GABRB3: variants seen among roughly 807,000 people sequenced by gnomAD.
The protein encoded by GABRB3 is gamma-aminobutyric acid receptor subunit beta-3.
In GABRB3, 14 loss-of-function variants were observed where a neutral mutation model predicts 52.1. That is an observed-to-expected ratio of 0.27 (90% CI 0.18 to 0.42). The LOEUF (loss-of-function observed/expected upper bound fraction) is 0.42, where lower values mean the gene tolerates loss of function less well. Among genes scored for constraint, GABRB3 ranks in the 10% least tolerant of loss-of-function variants. The pLI is 1.00. For synonymous variants in GABRB3, 260 were observed against 232.3 expected, an observed-to-expected ratio of 1.12 and a Z score of -1.08; for missense variants, 307 against 609.1, an observed-to-expected ratio of 0.50 and a Z score of 5.22.
rs1022592947 is a variant in GABRB3, at chr15:26,666,397, T to C, written c.241-44863A>G. On this transcript the variant is annotated intron_variant, in intron 3 of 8. Coordinates refer to ENST00000311550, the MANE Select transcript of GABRB3 (RefSeq NM_000814.6). The stretch of plus-strand genomic sequence containing the variant: ...ATGTACTTTCCACTCACCAGCAGCA[T>C]ACCCGGCTTCTTGCACGCACCGAAG... 3 of 152,332 alleles carry C rather than the reference T, an allele frequency of 2.0e-5. No individual in the cohort carries two copies. The East Asian group carries it at 5.8e-4, about 29-fold the overall frequency. The allele number at this position is 152,332 out of a possible 1,614,324, so 9.4% of individuals were successfully genotyped here. A position where few individuals can be genotyped will look rare whatever the true frequency, so the allele number is the denominator to read the frequency against.
At chr15:26,560,368 C>T (rs566338587) in intron 8 of GABRB3, among the ~76,000 whole-genome samples, 1 of 152,188 alleles carries the variant, frequency 6.6e-6, no homozygotes, top group Non-Finnish European at 1.5e-5. Flanking sequence ...TCATTGCCAG[C>T]TCCATGTTGA....
intron 3 of GABRB3, among the ~76,000 whole-genome samples, chr15:26,639,855 C>T (rs959072434): frequency 6.6e-6 from 1 of 152,172 alleles, no homozygotes; most frequent in African/African-American, 2.4e-5. Flanking sequence ...TATTCCCTTT[C>T]AGTGATGATG....
chr15:26,566,135 C>CT (rs1282687830), intron 7 of GABRB3, among the ~76,000 whole-genome samples: 3 of 151,788 alleles, frequency 2.0e-5, no homozygotes, highest in Admixed American at 1.3e-4. Flanking sequence ...GATTTTTTTT[C>CT]TTTTTTTAGA....
intron 4 of GABRB3, among the ~76,000 whole-genome samples, chr15:26,601,764 C>T (rs1212821812): frequency 1.3e-5 from 2 of 151,704 alleles, no homozygotes; most frequent in African/African-American, 2.4e-5. Flanking sequence ...TACAATGATA[C>T]ATAAAAAATA....
At chr15:26,692,120 A>G (rs1056128394) in intron 3 of GABRB3, among the ~76,000 whole-genome samples, 2 of 152,186 alleles carry the variant, frequency 1.3e-5, no homozygotes, top group South Asian at 2.1e-4. Flanking sequence ...CTCTGCTTCA[A>G]TACTTCTCAC....
rs577798138 is a variant in GABRB3 at position 26,669,471 on chromosome 15, A to T, written c.241-47937T>A. ...GTCTGCCATGGGGTAGGTGTCCAAC[A>T]TGGTAATATTATCATTTCACTTCCT... On this transcript the variant is annotated intron_variant, in intron 3 of 8. Transcript: ENST00000311550. Among the ~76,000 whole-genome samples the T allele has an allele frequency of 2.0e-5, 3 of 152,260 alleles. No homozygotes were observed. In the East Asian group the frequency reaches 5.8e-4, roughly 29 times the overall value.
chr15:26,744,410 ACT>A (rs1890283925), intron 3 of GABRB3, among the ~76,000 whole-genome samples: 1 of 145,138 alleles, frequency 6.9e-6, no homozygotes, highest in Non-Finnish European at 1.5e-5. Flanking sequence ...TTTCAACTTA[ACT>A]CATCAACAAT....
intron 3 of GABRB3, among the ~76,000 whole-genome samples, chr15:26,647,248 T>C (rs1165206607): frequency 6.6e-6 from 1 of 152,260 alleles, no homozygotes; most frequent in East Asian, 1.9e-4. Flanking sequence ...ATAGTCTGAA[T>C]ACATGTTCCT....
At chr15:26,690,218 C>G (rs1035913220) in intron 3 of GABRB3, among the ~76,000 whole-genome samples, 18 of 150,594 alleles carry the variant, frequency 1.2e-4, no homozygotes, top group African/African-American at 4.4e-4. Flanking sequence ...ACTGGGAATA[C>G]AGGTGCATGG....
chr15:26,625,048 A>G, intron 3 of GABRB3: 1 of 781,708 alleles, frequency 1.3e-6, no homozygotes, highest in Non-Finnish European at 1.6e-6. Flanking sequence ...TGAAGAGCTG[A>G]AGTAACTCGC....
chr15:26,576,735 G>A (rs957529894), intron 6 of GABRB3, among the ~76,000 whole-genome samples: 57 of 152,246 alleles, frequency 3.7e-4, no homozygotes, highest in African/African-American at 1.3e-3. Flanking sequence ...CAAGACTCAG[G>A]GGACTAAGGG....
At chr15:26,710,190 G>A (rs2140129009) in intron 3 of GABRB3, among the ~76,000 whole-genome samples, 2 of 152,268 alleles carry the variant, frequency 1.3e-5, no homozygotes, top group East Asian at 3.9e-4. Flanking sequence ...TGAACACTGG[G>A]GTTGTTTTTA....
At chr15:26,563,474 T>C (rs1595442385) in intron 7 of GABRB3, among the ~76,000 whole-genome samples, 1 of 152,182 alleles carries the variant, frequency 6.6e-6, no homozygotes, top group Non-Finnish European at 1.5e-5. Context: ...CTGTGGATGG[T>C]GGTGTGTTGT....
chr15:26,708,051 T>C (rs1193255544), intron 3 of GABRB3, among the ~76,000 whole-genome samples: 2 of 152,196 alleles, frequency 1.3e-5, no homozygotes, highest in Non-Finnish European at 2.9e-5. Context: ...TTTCAGATTT[T>C]GGAGCATTTC....
chr15:26,629,119 C>T, intron 3 of GABRB3: 2 of 1,528,842 alleles, frequency 1.3e-6, no homozygotes, highest in Non-Finnish European at 1.8e-6. Context: ...CTGCTCTTTA[C>T]AGGAGAGGCT....
At chr15:26,691,926 T>C (rs1437314590) in intron 3 of GABRB3, among the ~76,000 whole-genome samples, 1 of 152,210 alleles carries the variant, frequency 6.6e-6, no homozygotes, top group East Asian at 1.9e-4. Flanking sequence ...TTATATTGTA[T>C]CTATTATAAC....
chr15:26,683,628 G>A (rs1460925621), intron 3 of GABRB3, among the ~76,000 whole-genome samples: 2 of 152,140 alleles, frequency 1.3e-5, no homozygotes, highest in African/African-American at 4.8e-5. Context: ...CTCGTCTCCT[G>A]GAACTGGAAG....
chr15:26,671,792 T>A (rs898426535), intron 3 of GABRB3, among the ~76,000 whole-genome samples: 1 of 152,070 alleles, frequency 6.6e-6, no homozygotes, highest in African/African-American at 2.4e-5. Flanking sequence ...TTTCCTCCCC[T>A]CCCCAGTGCC....
intron 4 of GABRB3, among the ~76,000 whole-genome samples, chr15:26,586,845 T>C (rs1178514968): frequency 6.6e-6 from 1 of 152,068 alleles, no homozygotes; most frequent in Non-Finnish European, 1.5e-5. Context: ...ATTAAAACAA[T>C]GAACTTATAG....
Sources: allele counts gnomAD v4.1 joint callset (sites outside exome capture counted in the v4.1 genomes callset), GRCh38; gene constraint gnomAD v4.1.1; transcripts MANE v1.5; gene names NCBI Gene and HGNC (gene_info 2026-07-23, HGNC 2026-07-21).